Variants in SPATA7 observed in about 807,000 individuals in gnomAD.
SPATA7 encodes the protein spermatogenesis-associated protein 7.
In SPATA7, 43 loss-of-function variants were observed where a neutral mutation model predicts 51.8. That is an observed-to-expected ratio of 0.83 (90% confidence interval 0.65 to 1.07). SPATA7 has a LOEUF of 1.07. SPATA7 is among the 50% of genes least tolerant of loss of function. SPATA7 has a pLI of 0.00. For missense variants in SPATA7, 683 were observed against 701.3 expected, an observed-to-expected ratio of 0.97 and a Z score of 0.30; for synonymous variants, 230 against 252.8, an observed-to-expected ratio of 0.91 and a Z score of 0.86.
chr14:88,397,254 G>C (rs948691206), intron 4 of SPATA7, among the ~76,000 whole-genome samples: 1 of 152,140 alleles, frequency 6.6e-6, no homozygotes, highest in Non-Finnish European at 1.5e-5. Flanking sequence ...CAAGTATTCA[G>C]ATTTCCCCAT....
intron 4 of SPATA7, among the ~76,000 whole-genome samples, chr14:88,461,617 C>T (rs1441074711): frequency 2.0e-5 from 3 of 152,100 alleles, no homozygotes; most frequent in Non-Finnish European, 4.4e-5. Context: ...TACCACTTCC[C>T]TTGGCTAGGA....
intron 4 of SPATA7, chr14:88,468,015 C>CT: frequency 7.8e-7 from 1 of 1,282,412 alleles, no homozygotes; most frequent in Non-Finnish European, 1.1e-6. Flanking sequence ...GACTGCGCCA[C>CT]TTACGTCCCA....
At chr14:88,464,516 A>C (rs968832232) in intron 4 of SPATA7, among the ~76,000 whole-genome samples, 3 of 152,076 alleles carry the variant, frequency 2.0e-5, no homozygotes, top group African/African-American at 7.2e-5. Context: ...AGATCCCCTG[A>C]GGTCAGGAGT....
chr14:88,396,530 T>TTCCACTTATATAATCATA (rs2075884839), intron 4 of SPATA7, among the ~76,000 whole-genome samples: 1 of 152,176 alleles, frequency 6.6e-6, no homozygotes, highest in Non-Finnish European at 1.5e-5. Context: ...TCATATCGTG[T>TTCCACTTATATAATCATA]TTGTTCTGTT....
chr14:88,398,170 A>G (rs1304079850), intron 4 of SPATA7, among the ~76,000 whole-genome samples: 5 of 152,160 alleles, frequency 3.3e-5, no homozygotes, highest in Admixed American at 3.3e-4. Flanking sequence ...TATAAAAATC[A>G]GTGTTATACG....
downstream of SPATA7, among the ~76,000 whole-genome samples, chr14:88,457,095 G>T (rs2077288741): frequency 2.6e-5 from 4 of 152,150 alleles, no homozygotes; most frequent in South Asian, 8.3e-4. Context: ...TCTCTGTTTT[G>T]GTACCAGTAC....
At chr14:88,402,959 C>CAAAAAAAAAAAAAA (rs56330042) in intron 4 of SPATA7, among the ~76,000 whole-genome samples, 8 of 62,028 alleles carry the variant, frequency 1.3e-4, no homozygotes, top group Admixed American at 2.7e-4. Flanking sequence ...AACTCAATAG[C>CAAAAAAAAAAAAAA]AAAAAAAAAA....
intron 5 of SPATA7, 43 bp from the exon 6 acceptor site, chr14:88,426,189 A>G: frequency 7.1e-7 from 1 of 1,409,552 alleles, no homozygotes; most frequent in African/African-American, 1.4e-5. Context: ...CAATTACATG[A>G]ATTCGTAATG....
At chr14:88,408,038 G>C (rs1047293835) in intron 4 of SPATA7, among the ~76,000 whole-genome samples, 15 of 152,290 alleles carry the variant, frequency 9.8e-5, no homozygotes, top group African/African-American at 3.4e-4. Context: ...AAGTCAGGTA[G>C]TGTGATGCCT....
chr14:88,411,140 T>G (rs577142776), intron 4 of SPATA7, among the ~76,000 whole-genome samples: 2 of 152,244 alleles, frequency 1.3e-5, no homozygotes, highest in South Asian at 4.1e-4. Context: ...CTCCGCCCAG[T>G]CTGAACTTCC....
At chr14:88,421,898 A>G (rs1445783809) in intron 5 of SPATA7, among the ~76,000 whole-genome samples, 1 of 151,708 alleles carries the variant, frequency 6.6e-6, no homozygotes, top group Non-Finnish European at 1.5e-5. Flanking sequence ...CAGTGAGCCA[A>G]GATTGTGCCA....
At chr14:88,461,286 G>A (rs935785945) in intron 4 of SPATA7, among the ~76,000 whole-genome samples, 11 of 152,152 alleles carry the variant, frequency 7.2e-5, no homozygotes, top group South Asian at 4.1e-4. Flanking sequence ...CCTTTTGTTC[G>A]GCTATGACCT....
downstream of SPATA7, among the ~76,000 whole-genome samples, chr14:88,438,718 T>TG (rs1278338301): frequency 6.6e-6 from 1 of 152,210 alleles, no homozygotes; most frequent in Non-Finnish European, 1.5e-5. Context: ...TTATCCTCCT[T>TG]GCAGTTATAG....
chr14:88,436,907 GGGTCTTTT>G (rs2077104540), intron 10 of SPATA7, among the ~76,000 whole-genome samples: 1 of 151,872 alleles, frequency 6.6e-6, no homozygotes, highest in Non-Finnish European at 1.5e-5. Flanking sequence ...TGGCTATTCT[GGGTCTTTT>G]GTAGTTTCAT....
chr14:88,409,398 C>A (rs1033211271), intron 4 of SPATA7, among the ~76,000 whole-genome samples: 13 of 152,168 alleles, frequency 8.5e-5, no homozygotes, highest in Non-Finnish European at 1.5e-4. Flanking sequence ...TTATAGTATT[C>A]TCTGGTGGTA....
chr14:88,439,536 G>C (rs1201187045), downstream of SPATA7, among the ~76,000 whole-genome samples: 1 of 152,032 alleles, frequency 6.6e-6, no homozygotes, highest in Non-Finnish European at 1.5e-5. Flanking sequence ...GTTTTTATAA[G>C]CTATATTTTA....
At chr14:88,396,121 G>C (rs2075872440) in intron 3 of SPATA7, 35 bp from the exon 4 acceptor site, 1 of 1,554,790 alleles carries the variant, frequency 6.4e-7, no homozygotes, top group African/African-American at 1.4e-5. Context: ...TATAAATACT[G>C]ACAATATTAT....
chr14:88,400,521 T>C (rs2076025570), intron 4 of SPATA7, among the ~76,000 whole-genome samples: 1 of 151,874 alleles, frequency 6.6e-6, no homozygotes, highest in Non-Finnish European at 1.5e-5. Flanking sequence ...AAAAAGGAGA[T>C]TGAATCAGTA....
intron 4 of SPATA7, chr14:88,414,539 G>A (rs2076423707): frequency 7.8e-6 from 2 of 255,630 alleles, no homozygotes; most frequent in Admixed American, 1.1e-4. Context: ...TATGGATTTT[G>A]GAATCTCAAT....
Sources: allele counts gnomAD v4.1 joint callset (sites outside exome capture counted in the v4.1 genomes callset), GRCh38; gene constraint gnomAD v4.1.1; transcripts MANE v1.5; gene names NCBI Gene and HGNC (gene_info 2026-07-23, HGNC 2026-07-21).